The following MTSS1 variants were observed in gnomAD, a reference collection of about 807,000 sequenced individuals.
MTSS1 encodes MTSS I-BAR domain containing 1.
Under a neutral mutation model 79.0 loss-of-function variants are expected in MTSS1, and 18 were observed. The ratio of observed to expected loss-of-function variants is 0.23; its 90% CI spans 0.16 to 0.34. The LOEUF is 0.34. MTSS1 is among the 10% of genes least tolerant of loss of function. MTSS1 has a pLI of 1.00. For synonymous variants in MTSS1, 341 were observed against 368.6 expected (o/e 0.93, Z 0.86); for missense variants, 815 against 986.2 (o/e 0.83, Z 2.33).
intron 1 of MTSS1, among the ~76,000 whole-genome samples, chr8:124,704,952 G>T (rs7816758): frequency 0.37 from 55,539 of 152,000 alleles, 10,892 homozygotes; most frequent in East Asian, 0.5. Context: ...GAGACACTCA[G>T]CGTGTCTCTC....
At chr8:124,724,866 C>T (rs1481725657) in intron 1 of MTSS1, among the ~76,000 whole-genome samples, 4 of 152,196 alleles carry the variant, frequency 2.6e-5, no homozygotes, top group Admixed American at 6.5e-5. Flanking sequence ...ACATCACTTC[C>T]AGACTACTGT....
chr8:124,624,963 C>T (rs939745445), intron 3 of MTSS1, among the ~76,000 whole-genome samples: 3 of 152,234 alleles, frequency 2.0e-5, no homozygotes, highest in African/African-American at 7.2e-5. Flanking sequence ...GCCCATATTT[C>T]CCTAGCCACA....
intron 3 of MTSS1, among the ~76,000 whole-genome samples, chr8:124,650,609 C>T (rs16899909): frequency 0.043 from 6,493 of 152,256 alleles, 450 homozygotes; most frequent in African/African-American, 0.15. Context: ...TTGATCAACC[C>T]AGCCTTCTGC....
At chr8:124,685,073 T>G (rs1289238336) in intron 3 of MTSS1, among the ~76,000 whole-genome samples, 1 of 152,148 alleles carries the variant, frequency 6.6e-6, no homozygotes, top group Non-Finnish European at 1.5e-5. Context: ...AACCAAGAAA[T>G]TCACTATTTT....
chr8:124,621,099 G>A (rs763534063), intron 3 of MTSS1, among the ~76,000 whole-genome samples: 2 of 151,850 alleles, frequency 1.3e-5, no homozygotes, highest in African/African-American at 4.8e-5. Context: ...TCCTTCCCAC[G>A]CATCCCACTC....
intron 10 of MTSS1, among the ~76,000 whole-genome samples, chr8:124,561,040 C>T (rs1309711325): frequency 1.3e-5 from 2 of 152,222 alleles, no homozygotes; most frequent in Non-Finnish European, 2.9e-5. Context: ...CAATGACCTT[C>T]AATTTCCCCT....
At chr8:124,715,586 C>T (rs1831819802) in intron 1 of MTSS1, among the ~76,000 whole-genome samples, 1 of 152,196 alleles carries the variant, frequency 6.6e-6, no homozygotes, top group Non-Finnish European at 1.5e-5. Context: ...GTGACCTCAA[C>T]TCCCACCCCA....
In MTSS1 at chr8:124,551,970, G is replaced by C. The variant is rs1375484491; in HGVS notation, c.*1022C>G. ...CTGTTCGAGTTTTTTCAAAATACTT[G>C]GGCTTTTTAACGCACCCAGCCTGCT... On this transcript the variant is annotated 3_prime_UTR_variant, in exon 14 of 14. Transcript: ENST00000518547. 1 of 152,598 alleles carries C rather than the reference G, an allele frequency of 6.6e-6. No homozygotes were observed. Among genetic ancestry groups the C allele is most frequent in the Non-Finnish European group, 1.5e-5 (1 of 68,028 alleles). 9.5% of individuals were successfully genotyped at this position (152,598 alleles called of 1,614,324 possible).
intron 8 of MTSS1, among the ~76,000 whole-genome samples, chr8:124,566,574 A>G (rs1327015899): frequency 6.6e-6 from 1 of 152,240 alleles, no homozygotes. Flanking sequence ...CATCTTTTTC[A>G]TAAGATGAGA....
chr8:124,564,129 C>CAAAAAA (rs56313535), intron 9 of MTSS1, among the ~76,000 whole-genome samples: 2 of 87,800 alleles, frequency 2.3e-5, no homozygotes, highest in Admixed American at 1.2e-4. Context: ...GACCCGATCT[C>CAAAAAA]AAAAAAAAAA....
At chr8:124,650,187 C>T (rs765670842) in intron 3 of MTSS1, among the ~76,000 whole-genome samples, 10 of 152,098 alleles carry the variant, frequency 6.6e-5, no homozygotes, top group Non-Finnish European at 1.0e-4. Context: ...TGCACCACCA[C>T]GCCCAGCTAA....
At chr8:124,560,891 G>A (rs1042979055) in intron 10 of MTSS1, among the ~76,000 whole-genome samples, 5 of 151,998 alleles carry the variant, frequency 3.3e-5, no homozygotes, top group African/African-American at 2.4e-5. Context: ...TCCATCACTC[G>A]GCTTTCATCT....
At chr8:124,718,422 G>C (rs1479537097) in intron 1 of MTSS1, among the ~76,000 whole-genome samples, 1 of 152,152 alleles carries the variant, frequency 6.6e-6, no homozygotes, top group Non-Finnish European at 1.5e-5. Flanking sequence ...GGCTCAGACA[G>C]AGGGCTTGGC....
At chr8:124,604,891 G>A (rs1016685346) in intron 3 of MTSS1, among the ~76,000 whole-genome samples, 5 of 152,152 alleles carry the variant, frequency 3.3e-5, no homozygotes, top group Non-Finnish European at 7.4e-5. Context: ...ACCATCTGGC[G>A]GCTTCAGACC....
At chr8:124,572,888 A>T (rs1586906578) in intron 6 of MTSS1, among the ~76,000 whole-genome samples, 1 of 75,344 alleles carries the variant, frequency 1.3e-5, no homozygotes, top group South Asian at 5.3e-4. Context: ...CTGGGATTAC[A>T]GGCATGTACC....
intron 1 of MTSS1, among the ~76,000 whole-genome samples, chr8:124,710,450 TC>T (rs11302906): frequency 1 from 152,316 of 152,318 alleles, 76,157 homozygotes; most frequent in Non-Finnish European, 1. Flanking sequence ...CAAGTTGGTC[TC>T]CCCCACCCCA....
At chr8:124,611,849 T>TCAGACACCCAAG (rs57622082) in intron 3 of MTSS1, among the ~76,000 whole-genome samples, 16,148 of 152,170 alleles carry the variant, frequency 0.11, 1,464 homozygotes, top group African/African-American at 0.23. Flanking sequence ...GATCTTGATC[T>TCAGACACCCAAG]CAGACACTCA....
chr8:124,593,616 G>A (rs992800305), intron 3 of MTSS1, among the ~76,000 whole-genome samples: 2 of 152,222 alleles, frequency 1.3e-5, no homozygotes, highest in Admixed American at 1.3e-4. Context: ...GCAGGAAGAC[G>A]TACAGCGCTT....
At chr8:124,613,134 TG>T (rs1257894099) in intron 3 of MTSS1, among the ~76,000 whole-genome samples, 2 of 152,118 alleles carry the variant, frequency 1.3e-5, no homozygotes, top group Non-Finnish European at 2.9e-5. Context: ...GCAGAACAAT[TG>T]GCTCAGGGCA....
Sources: allele counts gnomAD v4.1 joint callset (sites outside exome capture counted in the v4.1 genomes callset), GRCh38; gene constraint gnomAD v4.1.1; transcripts MANE v1.5; gene names NCBI Gene and HGNC (gene_info 2026-07-23, HGNC 2026-07-21).